The following CACNA1D variants were observed in gnomAD, a reference collection of about 807,000 sequenced individuals.
The protein encoded by CACNA1D is calcium voltage-gated channel subunit alpha1 D.
CACNA1D carries 55 observed loss-of-function variants against 257.1 expected under a neutral mutation model. The ratio of observed to expected loss-of-function variants is 0.21; its 90% confidence interval spans 0.17 to 0.27. CACNA1D has a LOEUF of 0.27. Among genes scored for constraint, CACNA1D ranks in the 10% least tolerant of loss-of-function variants. The pLI is 1.00. For synonymous variants in CACNA1D, 980 were observed against 1,014.9 expected, an observed-to-expected ratio of 0.97 and a Z score of 0.65; for missense variants, 1,876 against 2,784.0, an observed-to-expected ratio of 0.67 and a Z score of 7.34.
chr3:53,791,211 C>T lies in CACNA1D; in HGVS notation c.4923+4259C>T, dbSNP rs553934398. On this transcript the variant is annotated intron_variant, in intron 40 of 47. Transcript: ENST00000350061. ...TGGAAGCGGGGCCGTGGCTCATCTG[C>T]GGAGCCAGGGCTGCCTGTCGCGGAC... 41 of 563,092 alleles carry T rather than the reference C, an allele frequency of 7.3e-5. No homozygotes were observed. In the Admixed American group the frequency reaches 1.0e-3, roughly 14 times the overall value. The allele number at this position is 563,092 out of a possible 1,614,324, so 34.9% of individuals were successfully genotyped here. A position where few individuals can be genotyped will look rare whatever the true frequency, so the allele number is the denominator to read the frequency against.
In CACNA1D at chr3:53,691,163, G is replaced by GT. The variant is rs1491197383; in HGVS notation, c.1221-11478_1221-11477insT. Among the ~76,000 whole-genome samples, 3 of 134,502 alleles carry GT rather than the reference G, an allele frequency of 2.2e-5. No individual in the cohort carries two copies. In the Admixed American group the frequency reaches 2.3e-4, roughly 10 times the overall value. The allele number at this position is 134,502 out of a possible 152,430, so 88.2% of individuals were successfully genotyped here. A position where few individuals can be genotyped will look rare whatever the true frequency, so the allele number is the denominator to read the frequency against. On this transcript the variant is annotated intron_variant, in intron 8 of 47. Transcript: ENST00000350061. ...GAAGAATACCTCTTTTTTTTTTTTTGGGGGGGAGATGGAGTCTTGCTCTTG... is the reference window on the plus strand; with the variant it reads ...GAAGAATACCTCTTTTTTTTTTTTTGTGGGGGGAGATGGAGTCTTGCTCTTG...
rs944763143 is a variant in CACNA1D, at chr3:53,800,658, C to T, written c.5040+293C>T. On this transcript the variant is annotated intron_variant, in intron 41 of 47. Coordinates refer to ENST00000350061, the MANE Select transcript of CACNA1D (RefSeq NM_001128840.3). The surrounding 1 kb of genome is among the most constrained non-coding windows in gnomAD (Gnocchi z 4.3). ...TGTGGATGAGCATCCTGAGTCCTTCCGGCAGCTGCCTTTGCTACCCTCCTC... is the reference window on the plus strand; with the variant it reads ...TGTGGATGAGCATCCTGAGTCCTTCTGGCAGCTGCCTTTGCTACCCTCCTC... 6.1e-5 allele frequency: 31 copies of T among 505,146 alleles called. No individual in the cohort carries two copies. The highest frequency in any genetic ancestry group is 2.0e-5 in the South Asian group (1 of 49,870). 31.3% of individuals were successfully genotyped at this position (505,146 alleles called of 1,614,324 possible). A position where few individuals can be genotyped will look rare whatever the true frequency, so the allele number is the denominator to read the frequency against.
At position 53,514,902 on chromosome 3, in the gene CACNA1D, C is replaced by T. The variant is rs17053118; in HGVS notation, c.483+13182C>T. On this transcript the variant is annotated intron_variant, in intron 3 of 47. Transcript: ENST00000350061. ...GACTGAGCTAGTGCATCTGTCCCACCGAATAGCCTAAGACTTTAGTGGTCA... is the reference window on the plus strand; with the variant it reads ...GACTGAGCTAGTGCATCTGTCCCACTGAATAGCCTAAGACTTTAGTGGTCA... Among the ~76,000 whole-genome samples the T allele has an allele frequency of 7.2e-3, 1,096 of 152,226 alleles. 45 individuals carry two copies. The East Asian group carries it at 0.1, about 14-fold the overall frequency.
chr3:53,720,223 T>C (rs1043518986), intron 11 of CACNA1D, among the ~76,000 whole-genome samples: 1 of 152,216 alleles, frequency 6.6e-6, no homozygotes, highest in African/African-American at 2.4e-5. Flanking sequence ...CTGAGTGTCA[T>C]TTTTCAACAA....
At chr3:53,679,881 C>T (rs915385220) in intron 8 of CACNA1D, 11 of 152,188 alleles carry the variant, frequency 7.2e-5, no homozygotes, top group South Asian at 2.1e-4. Context: ...CTTCGGTACC[C>T]TCACATGGCT....
intron 9 of CACNA1D, 77 bp from the exon 10 acceptor site, chr3:53,718,224 A>T: frequency 7.9e-7 from 1 of 1,267,078 alleles, no homozygotes; most frequent in Non-Finnish European, 1.2e-6. Context: ...GCCTGGTGGC[A>T]GAGGCTCCCA....
At chr3:53,584,379 G>T (rs1375060497) in intron 3 of CACNA1D, among the ~76,000 whole-genome samples, 3 of 152,218 alleles carry the variant, frequency 2.0e-5, no homozygotes, top group Admixed American at 1.3e-4. Context: ...GTCAGAGGTG[G>T]TTGGATTGAT....
At chr3:53,684,546 C>G (rs2094457886) in intron 8 of CACNA1D, among the ~76,000 whole-genome samples, 1 of 145,242 alleles carries the variant, frequency 6.9e-6, no homozygotes, top group Non-Finnish European at 1.5e-5. Context: ...TCGCTTGAAC[C>G]TGGGAGGTGG....
chr3:53,589,019 G>T (rs757869315), intron 3 of CACNA1D, among the ~76,000 whole-genome samples: 1 of 152,134 alleles, frequency 6.6e-6, no homozygotes, highest in Non-Finnish European at 1.5e-5. Flanking sequence ...TAAAACTTAC[G>T]CATCACGGCA....
At chr3:53,761,376 C>T (rs2095300862) in intron 29 of CACNA1D, among the ~76,000 whole-genome samples, 1 of 152,210 alleles carries the variant, frequency 6.6e-6, no homozygotes, top group South Asian at 2.1e-4. Flanking sequence ...TCTGCCACGA[C>T]GCTGTGCCTC....
chr3:53,645,007 A>G (rs1010515693), intron 3 of CACNA1D, among the ~76,000 whole-genome samples: 2 of 152,232 alleles, frequency 1.3e-5, no homozygotes, highest in African/African-American at 4.8e-5. Context: ...TTTTGACAAT[A>G]GCCATTCCAA....
rs1367357330 is a variant in CACNA1D, at chr3:53,625,478, T to C, written c.484-25301T>C. On this transcript the variant is annotated intron_variant, in intron 3 of 47. Transcript: ENST00000350061. ...TCTTGCTCTACTGAGTACTCTCAGC[T>C]GTGTGGTTGCTTTAGGACCCAAGCG... Among the ~76,000 whole-genome samples, 4 of 152,202 alleles carry C rather than the reference T, an allele frequency of 2.6e-5. No homozygotes were observed. In the South Asian group the frequency reaches 6.2e-4, roughly 24 times the overall value.
intron 10 of CACNA1D, among the ~76,000 whole-genome samples, chr3:53,719,550 C>T (rs1322839889): frequency 1.3e-5 from 2 of 152,168 alleles, no homozygotes; most frequent in Non-Finnish European, 2.9e-5. Context: ...CTGACCTGGG[C>T]CTCGAGGGTG....
rs527646545 is a variant in CACNA1D at position 53,763,262 on chromosome 3, T to C, written c.3870+1181T>C. Among the ~76,000 whole-genome samples, 3 of 152,324 alleles carry C rather than the reference T, an allele frequency of 2.0e-5. No individual in the cohort carries two copies. The East Asian group carries it at 5.8e-4, about 29-fold the overall frequency. ...AGGGTGTCAGTCCGCCTTTGTTACA[T>C]CCAGTAGATTCACTTGAGGGGGAAC... On this transcript the variant is annotated intron_variant, in intron 30 of 47. Transcript: ENST00000350061.
At chr3:53,543,604 G>C (rs894913318) in intron 3 of CACNA1D, among the ~76,000 whole-genome samples, 4 of 152,206 alleles carry the variant, frequency 2.6e-5, no homozygotes, top group Non-Finnish European at 5.9e-5. Context: ...TTTATTGATT[G>C]CTTACTATGT....
rs184853731 is a variant in CACNA1D at position 53,673,470 on chromosome 3, G to A, written c.1220+344G>A. Among the ~76,000 whole-genome samples, 20 of 151,200 alleles carry A rather than the reference G, an allele frequency of 1.3e-4. No individual in the cohort carries two copies. In the East Asian group the frequency reaches 3.5e-3, roughly 26 times the overall value. ...GATCCAAATATAATGCAGATTAATT[G>A]TTATAAAACGATAGCAAAATGAGCT... On this transcript the variant is annotated intron_variant, in intron 8 of 47. Transcript: ENST00000350061. This position sits in a 1 kb window ranked among gnomAD's most constrained non-coding sequence, Gnocchi z 4.1.
intron 40 of CACNA1D, among the ~76,000 whole-genome samples, chr3:53,794,644 A>C (rs1164461362): frequency 1.3e-5 from 2 of 152,150 alleles, no homozygotes; most frequent in Non-Finnish European, 2.9e-5. Context: ...ATTATTGAAG[A>C]CCCTTGTGTG....
rs201037297 is a variant in CACNA1D at position 53,722,493 on chromosome 3, C to G, written c.1666+19C>G. 6.2e-7 allele frequency: 1 copy of G among 1,613,536 alleles called. No homozygotes were observed. The highest frequency in any genetic ancestry group is 1.1e-5 in the South Asian group (1 of 91,056). ...ATTCAAGGTACAAGCAGAGGCCATT[C>G]CTTTTTTGTTCTGAACTAGAGATTT... On this transcript the variant is annotated intron_variant, in intron 12 of 47. Transcript: ENST00000350061.
At chr3:53,716,040 G>A (rs926262080) in intron 9 of CACNA1D, among the ~76,000 whole-genome samples, 10 of 152,194 alleles carry the variant, frequency 6.6e-5, no homozygotes, top group Admixed American at 5.9e-4. Flanking sequence ...CAACTGTACC[G>A]ATATCAGCAT....
Sources: allele counts gnomAD v4.1 joint callset (sites outside exome capture counted in the v4.1 genomes callset), GRCh38; gene constraint gnomAD v4.1.1; non-coding constraint Gnocchi (gnomAD v3.1); transcripts MANE v1.5; gene names NCBI Gene and HGNC (gene_info 2026-07-23, HGNC 2026-07-21).